The following SLC35F4 variants were observed in gnomAD, a reference collection of about 807,000 sequenced individuals.
SLC35F4 encodes chromosome 14 open reading frame 36.
A neutral mutation model predicts 44.2 loss-of-function variants in SLC35F4; 24 were observed. That is an observed-to-expected ratio of 0.54 (90% CI 0.39 to 0.76). The LOEUF (loss-of-function observed/expected upper bound fraction) is 0.76, where lower values mean the gene tolerates loss of function less well. Among genes scored for constraint, SLC35F4 ranks in the 30% least tolerant of loss-of-function variants. The pLI, the probability that SLC35F4 is intolerant of heterozygous loss-of-function variation, is 0.00. For missense variants in SLC35F4, 562 were observed against 586.1 expected (o/e 0.96, Z 0.42); for synonymous variants, 238 against 223.6 (o/e 1.06, Z -0.57).
At chr14:57,939,272 C>T (rs1159621939) in intron 1 of SLC35F4, among the ~76,000 whole-genome samples, 1 of 152,150 alleles carries the variant, frequency 6.6e-6, no homozygotes. Context: ...CCAAAGCAAA[C>T]ATCCTGGGGC....
At chr14:57,715,087 T>C (rs756509388) in intron 1 of SLC35F4, among the ~76,000 whole-genome samples, 13 of 151,916 alleles carry the variant, frequency 8.6e-5, no homozygotes, top group Non-Finnish European at 1.6e-4. Flanking sequence ...CGAGTAAAGA[T>C]GGAAATGATT....
chr14:57,592,683 C>G (rs954644341), intron 2 of SLC35F4, among the ~76,000 whole-genome samples: 5 of 152,264 alleles, frequency 3.3e-5, no homozygotes, highest in South Asian at 2.1e-4. Context: ...TCTAAGACAT[C>G]ATTTTATTTT....
intron 1 of SLC35F4, among the ~76,000 whole-genome samples, chr14:57,776,665 C>CAAAAAAAAAAAAAAA (rs57272978): frequency 1.4e-5 from 1 of 72,072 alleles, no homozygotes; most frequent in African/African-American, 4.6e-5. Context: ...GACTCCATCT[C>CAAAAAAAAAAAAAAA]AAAAAAAAAA....
intron 3 of SLC35F4, among the ~76,000 whole-genome samples, chr14:57,585,131 T>C (rs2069604434): frequency 1.3e-5 from 2 of 152,178 alleles, no homozygotes. Context: ...CATAGACACA[T>C]ATAGAAAATC....
At chr14:57,590,275 C>G (rs939570598) in intron 2 of SLC35F4, among the ~76,000 whole-genome samples, 1 of 150,500 alleles carries the variant, frequency 6.6e-6, no homozygotes, top group Non-Finnish European at 1.5e-5. Context: ...TACCTTTAGT[C>G]CCAGCAACTC....
At chr14:57,922,387 C>G (rs549328903) in intron 1 of SLC35F4, among the ~76,000 whole-genome samples, 7 of 152,180 alleles carry the variant, frequency 4.6e-5, no homozygotes, top group Non-Finnish European at 8.8e-5. Flanking sequence ...CTCTGTTCAA[C>G]CTAGTAATGA....
intron 1 of SLC35F4, among the ~76,000 whole-genome samples, chr14:57,816,348 C>A (rs1008519694): frequency 6.6e-6 from 1 of 152,090 alleles, no homozygotes; most frequent in Non-Finnish European, 1.5e-5. Flanking sequence ...ACTCAGGCAC[C>A]AACACAGGAT....
intron 1 of SLC35F4, among the ~76,000 whole-genome samples, chr14:57,655,904 C>T (rs1159701345): frequency 1.3e-5 from 2 of 152,150 alleles, no homozygotes; most frequent in African/African-American, 4.8e-5. Context: ...AGCATCTCTC[C>T]TCCCACTCAT....
At chr14:57,649,804 AATTTACC>A (rs1049990240) in intron 1 of SLC35F4, among the ~76,000 whole-genome samples, 1 of 3,398 alleles carries the variant, frequency 2.9e-4, no homozygotes, top group African/African-American at 3.9e-4. Context: ...AATCCCCCAA[AATTTACC>A]AAAGAGAACT....
At chr14:57,598,081 GA>G (rs1379782463) in intron 1 of SLC35F4, among the ~76,000 whole-genome samples, 2 of 152,168 alleles carry the variant, frequency 1.3e-5, no homozygotes, top group African/African-American at 2.4e-5. Context: ...AAGAAGGCCA[GA>G]GTGTCCCTAA....
intron 1 of SLC35F4, among the ~76,000 whole-genome samples, chr14:57,632,555 C>G (rs940030017): frequency 1.3e-5 from 2 of 151,960 alleles, no homozygotes; most frequent in Non-Finnish European, 2.9e-5. Flanking sequence ...CCATATAATT[C>G]CTGCCCCCAC....
intron 1 of SLC35F4, among the ~76,000 whole-genome samples, chr14:57,971,737 G>A (rs1218165555): frequency 6.6e-6 from 1 of 152,188 alleles, no homozygotes; most frequent in Non-Finnish European, 1.5e-5. Context: ...CAGGGCTAAG[G>A]GGTGAGGGAC....
intron 3 of SLC35F4, among the ~76,000 whole-genome samples, chr14:57,586,717 C>CAAAAAAAAAAAAAAAAAAAAAAAA (rs543963927): frequency 8.0e-5 from 1 of 12,496 alleles, no homozygotes; most frequent in African/African-American, 1.3e-4. Flanking sequence ...GACTCTGTCT[C>CAAAAAAAAAAAAAAAAAAAAAAAA]AAAAAAAAAA....
intron 1 of SLC35F4, among the ~76,000 whole-genome samples, chr14:57,828,416 C>T (rs761208622): frequency 1.2e-4 from 19 of 152,018 alleles, no homozygotes; most frequent in Non-Finnish European, 2.4e-4. Context: ...ATTGGTAATT[C>T]AATAGACACA....
intron 1 of SLC35F4, among the ~76,000 whole-genome samples, chr14:57,896,326 C>T (rs915279129): frequency 6.6e-6 from 1 of 152,158 alleles, no homozygotes; most frequent in Non-Finnish European, 1.5e-5. Flanking sequence ...ATCTCATAGA[C>T]ATACTTTTAT....
chr14:57,974,452 T>C (rs536031416), downstream of SLC35F4, among the ~76,000 whole-genome samples: 4 of 152,292 alleles, frequency 2.6e-5, no homozygotes, highest in African/African-American at 9.6e-5. Flanking sequence ...CATCTCTCAA[T>C]AGGAAGAACA....
chr14:57,894,186 G>C (rs1021495369), intron 1 of SLC35F4, among the ~76,000 whole-genome samples: 1 of 152,010 alleles, frequency 6.6e-6, no homozygotes, highest in African/African-American at 2.4e-5. Context: ...GTTTACATAA[G>C]TATTATTCAA....
intron 1 of SLC35F4, among the ~76,000 whole-genome samples, chr14:57,707,213 G>A (rs1462041305): frequency 1.3e-5 from 2 of 152,182 alleles, no homozygotes; most frequent in African/African-American, 2.4e-5. Context: ...GAGATAAGGT[G>A]ACACAGAATA....
At chr14:57,978,978 G>C (rs571012547) in intron 1 of SLC35F4, among the ~76,000 whole-genome samples, 1 of 152,338 alleles carries the variant, frequency 6.6e-6, no homozygotes, top group East Asian at 1.9e-4. Context: ...GAAGGAGTAT[G>C]TCTGGAACCT....
Sources: gnomAD v4.1 joint callset for allele counts (sites outside exome capture counted in the v4.1 genomes callset) on GRCh38, gnomAD v4.1.1 for gene constraint, MANE v1.5 for transcripts, NCBI Gene and HGNC (gene_info 2026-07-23, HGNC 2026-07-21) for gene names.